SERGEF: variants seen among roughly 807,000 people sequenced by gnomAD.
SERGEF encodes secretion regulating guanine nucleotide exchange factor, also known as secretion-regulating guanine nucleotide exchange factor.
Under a neutral mutation model 50.0 loss-of-function variants are expected in SERGEF, and 51 were observed. The ratio of observed to expected loss-of-function variants is 1.02; its 90% CI spans 0.81 to 1.29. The LOEUF (loss-of-function observed/expected upper bound fraction) is 1.29. SERGEF is among the 50% of genes most tolerant of loss of function. The probability of loss-of-function intolerance (pLI) is 0.00; values close to 1 mark genes in which losing one functional copy is unlikely to be tolerated. For synonymous variants in SERGEF, 205 were observed against 212.4 expected (o/e 0.97, Z 0.30); for missense variants, 521 against 557.0 (o/e 0.94, Z 0.65).
chr11:17,910,116 C>A (rs1221755959), intron 9 of SERGEF, among the ~76,000 whole-genome samples: 1 of 92,182 alleles, frequency 1.1e-5, no homozygotes, highest in Non-Finnish European at 2.2e-5. Flanking sequence ...TACAGTTCCC[C>A]TAAGATCCAA....
intron 9 of SERGEF, among the ~76,000 whole-genome samples, chr11:17,916,026 T>C (rs1235635704): frequency 6.6e-6 from 1 of 152,210 alleles, no homozygotes; most frequent in Non-Finnish European, 1.5e-5. Context: ...GCAAACAAAC[T>C]GGCCTGAAGA....
chr11:17,799,974 C>T lies in SERGEF; in HGVS notation c.1049-11561G>A, dbSNP rs576710367. 4.6e-5 allele frequency among the ~76,000 whole-genome samples: 7 copies of T among 152,270 alleles called. No individual in the cohort carries two copies. In the South Asian group the frequency reaches 1.5e-3, roughly 32 times the overall value. On this transcript the variant is annotated intron_variant, in intron 10 of 10. Transcript: ENST00000265965. ...TCCTGGAAAGATTTGCTCAGGAAGA[C>T]CAGGCAGTGGCTAATTCCTGAGATG...
chr11:17,938,520 A>G (rs1852498560), intron 9 of SERGEF, among the ~76,000 whole-genome samples: 1 of 152,132 alleles, frequency 6.6e-6, no homozygotes, highest in Non-Finnish European at 1.5e-5. Context: ...CTAGCTCCTC[A>G]GGGACCCTAG....
intron 10 of SERGEF, among the ~76,000 whole-genome samples, chr11:17,852,908 A>G (rs534345678): frequency 2.6e-5 from 4 of 152,140 alleles, no homozygotes; most frequent in Admixed American, 6.5e-5. Context: ...TCACCCAATA[A>G]AGTGAAGACA....
chr11:17,977,177 T>C (rs1853395319), intron 8 of SERGEF, among the ~76,000 whole-genome samples: 1 of 152,246 alleles, frequency 6.6e-6, no homozygotes, highest in South Asian at 2.1e-4. Context: ...ACCAAGTCCC[T>C]AACCTTGTGG....
At chr11:17,950,223 TGAG>T (rs886606045) in intron 9 of SERGEF, among the ~76,000 whole-genome samples, 4 of 152,188 alleles carry the variant, frequency 2.6e-5, no homozygotes, top group African/African-American at 9.7e-5. Context: ...TGCAAGGTGA[TGAG>T]GAGACAGTGG....
chr11:17,851,724 G>C (rs911985304), intron 10 of SERGEF, among the ~76,000 whole-genome samples: 4 of 152,202 alleles, frequency 2.6e-5, no homozygotes, highest in Non-Finnish European at 5.9e-5. Flanking sequence ...GAAGACTAGA[G>C]TAAAACACTT....
At chr11:17,904,284 A>G (rs1299856810) in intron 9 of SERGEF, among the ~76,000 whole-genome samples, 1 of 152,228 alleles carries the variant, frequency 6.6e-6, no homozygotes, top group Non-Finnish European at 1.5e-5. Flanking sequence ...GGGTTCTCCA[A>G]GGTACCCTTT....
chr11:17,969,775 C>T (rs1217914024), intron 8 of SERGEF, among the ~76,000 whole-genome samples: 2 of 152,178 alleles, frequency 1.3e-5, no homozygotes, highest in Non-Finnish European at 2.9e-5. Flanking sequence ...ATGTGATTCT[C>T]CTTACACAGT....
intron 5 of SERGEF, among the ~76,000 whole-genome samples, chr11:17,997,636 T>C (rs891746400): frequency 5.3e-5 from 8 of 152,228 alleles, no homozygotes; most frequent in African/African-American, 1.7e-4. Context: ...CAAATGTCCA[T>C]TGACAGATGA....
chr11:17,906,253 C>T (rs1565200752), intron 9 of SERGEF, among the ~76,000 whole-genome samples: 1 of 152,156 alleles, frequency 6.6e-6, no homozygotes, highest in Non-Finnish European at 1.5e-5. Flanking sequence ...TCCTCATTAC[C>T]GTGCAGAACT....
intron 9 of SERGEF, among the ~76,000 whole-genome samples, chr11:17,956,120 A>G (rs1355188261): frequency 6.6e-6 from 1 of 152,226 alleles, no homozygotes; most frequent in Non-Finnish European, 1.5e-5. Context: ...AGAAGTTTTT[A>G]CCACTGTAAG....
chr11:17,871,893 T>A (rs2133892613), intron 10 of SERGEF, among the ~76,000 whole-genome samples: 1 of 152,314 alleles, frequency 6.6e-6, no homozygotes, highest in Admixed American at 6.5e-5. Context: ...TTACTAATAC[T>A]AAATATGAAC....
chr11:17,809,531 G>A (rs1286553199), intron 10 of SERGEF, among the ~76,000 whole-genome samples: 1 of 152,124 alleles, frequency 6.6e-6, no homozygotes, highest in East Asian at 1.9e-4. Flanking sequence ...GCACTCACAC[G>A]ATGCCAGGCA....
rs139491677 is a variant in SERGEF, at chr11:17,967,345, C to T, written c.845-7709G>A. On this transcript the variant is annotated intron_variant, in intron 8 of 10. Transcript: ENST00000265965. ...CACTGGCTCTTCAAAAGTGAACATT[C>T]GCAAGGACTTCCTGAGGTTGTTCAG... Among the ~76,000 whole-genome samples the T allele has an allele frequency of 6.0e-4, 92 of 152,260 alleles. No individual in the cohort carries two copies. In the East Asian group the frequency reaches 0.014, roughly 24 times the overall value.
At chr11:17,827,295 G>C (rs1850214244) in intron 10 of SERGEF, among the ~76,000 whole-genome samples, 1 of 152,152 alleles carries the variant, frequency 6.6e-6, no homozygotes, top group Non-Finnish European at 1.5e-5. Context: ...CTGCATCAGG[G>C]CCGCTGGATC....
At chr11:17,989,491 T>C (rs1853667675) in intron 7 of SERGEF, among the ~76,000 whole-genome samples, 1 of 152,244 alleles carries the variant, frequency 6.6e-6, no homozygotes, top group Non-Finnish European at 1.5e-5. Context: ...ATATGACTGA[T>C]GACACTGGTA....
chr11:17,927,508 C>G (rs893019152), intron 9 of SERGEF, among the ~76,000 whole-genome samples: 2 of 152,216 alleles, frequency 1.3e-5, no homozygotes, highest in Non-Finnish European at 2.9e-5. Flanking sequence ...ACATACAACA[C>G]AGAAGGAAAA....
chr11:17,914,870 T>TG (rs1359856103), intron 9 of SERGEF, among the ~76,000 whole-genome samples: 3 of 152,214 alleles, frequency 2.0e-5, no homozygotes, highest in African/African-American at 7.2e-5. Flanking sequence ...CCTGCTCTCA[T>TG]GGAGTTTAAA....
Sources: gnomAD v4.1 joint callset for allele counts (sites outside exome capture counted in the v4.1 genomes callset) on GRCh38, gnomAD v4.1.1 for gene constraint, MANE v1.5 for transcripts, NCBI Gene and HGNC (gene_info 2026-07-23, HGNC 2026-07-21) for gene names.